The following PPP2R2B variants were observed in gnomAD, a reference collection of about 807,000 sequenced individuals.
The protein encoded by PPP2R2B is protein phosphatase 2 regulatory subunit Bbeta.
PPP2R2B carries 5 observed loss-of-function variants against 46.0 expected under a neutral mutation model. The ratio of observed to expected loss-of-function variants is 0.11; its 90% CI spans 0.06 to 0.23. The LOEUF (loss-of-function observed/expected upper bound fraction) is 0.23. Ranked by LOEUF, PPP2R2B falls within the 10% of genes least tolerant of loss-of-function variation. The pLI, the probability that PPP2R2B is intolerant of heterozygous loss-of-function variation, is 1.00. For synonymous variants in PPP2R2B, 215 were observed against 206.7 expected, an observed-to-expected ratio of 1.04 and a Z score of -0.34; for missense variants, 367 against 575.0, an observed-to-expected ratio of 0.64 and a Z score of 3.70.
intron 2 of PPP2R2B, among the ~76,000 whole-genome samples, chr5:147,077,293 CA>C (rs1757811028): frequency 1.4e-5 from 2 of 147,456 alleles, no homozygotes; most frequent in African/African-American, 2.5e-5. Context: ...CACACACACA[CA>C]CACACACACA....
chr5:147,005,538 A>G (rs1274914420), intron 1 of PPP2R2B, among the ~76,000 whole-genome samples: 4 of 152,152 alleles, frequency 2.6e-5, no homozygotes. Flanking sequence ...GAGTTATTGC[A>G]CTCCTTGCAA....
intron 5 of PPP2R2B, among the ~76,000 whole-genome samples, chr5:146,685,612 C>T (rs894797040): frequency 1.3e-5 from 2 of 152,184 alleles, no homozygotes; most frequent in African/African-American, 4.8e-5. Context: ...GGAGTCAGAG[C>T]TGGTAAAACT....
chr5:146,877,932 G>T, intron 2 of PPP2R2B, 70 bp downstream of exon 2: 1 of 1,539,244 alleles, frequency 6.5e-7, no homozygotes. Context: ...GCGCCCAGCT[G>T]CCCAGGAAGC....
rs146105782 is a variant in PPP2R2B, at chr5:146,601,007, T to C, written c.791-547A>G. 3.7e-4 allele frequency among the ~76,000 whole-genome samples: 56 copies of C among 152,322 alleles called. 1 individual carries two copies. In the East Asian group the frequency reaches 9.6e-3, roughly 26 times the overall value. ...ACACCATCTACTTTCTGATTCTCAT[T>C]CTGGAAATTTCACATAAATAGAATC... On this transcript the variant is annotated intron_variant, in intron 7 of 9. Coordinates refer to ENST00000394411, the MANE Select transcript of PPP2R2B (RefSeq NM_181675.4).
At chr5:146,837,185 T>C (rs1759339287) in intron 2 of PPP2R2B, among the ~76,000 whole-genome samples, 1 of 152,210 alleles carries the variant, frequency 6.6e-6, no homozygotes, top group Non-Finnish European at 1.5e-5. Context: ...ATCATTGTTT[T>C]TTCACTTTCA....
chr5:146,727,894 C>T (rs10036703), intron 2 of PPP2R2B, among the ~76,000 whole-genome samples: 3,173 of 152,062 alleles, frequency 0.021, 87 homozygotes, highest in African/African-American at 0.073. Context: ...AAACCAGCCC[C>T]GGGTAACCAC....
intron 2 of PPP2R2B, among the ~76,000 whole-genome samples, chr5:146,781,359 G>T (rs1755520218): frequency 6.6e-6 from 1 of 151,038 alleles, no homozygotes; most frequent in Non-Finnish European, 1.5e-5. Flanking sequence ...AGATGTGAAA[G>T]TGTGTATATT....
chr5:146,600,247 G>A (rs781119652), intron 8 of PPP2R2B, 44 bp downstream of exon 8: 4 of 1,585,860 alleles, frequency 2.5e-6, no homozygotes, highest in Non-Finnish European at 3.4e-6. Context: ...AAAAGCTCAT[G>A]AAGGGAATGT....
intron 2 of PPP2R2B, among the ~76,000 whole-genome samples, chr5:146,735,053 G>A (rs1381787947): frequency 2.0e-5 from 3 of 152,182 alleles, no homozygotes; most frequent in Non-Finnish European, 2.9e-5. Flanking sequence ...AGAGGGAAAG[G>A]AGAGGTGGAA....
At chr5:146,844,525 C>T (rs1044462591) in intron 2 of PPP2R2B, among the ~76,000 whole-genome samples, 18 of 152,178 alleles carry the variant, frequency 1.2e-4, no homozygotes, top group African/African-American at 3.9e-4. Context: ...GCATTCATTT[C>T]AAGAACAGCC....
At position 146,585,588 on chromosome 5, in the gene PPP2R2B, G is replaced by T; in HGVS notation, c.*4359C>A. On this transcript the variant is annotated 3_prime_UTR_variant, in exon 10 of 10. Coordinates refer to ENST00000394411, the MANE Select transcript of PPP2R2B (RefSeq NM_181675.4). ...TTAGAGTCAGATACCTTGAGTTGGAGTCCTGGTTCCATCTCTCTCGGGCTT... is the reference window on the plus strand; with the variant it reads ...TTAGAGTCAGATACCTTGAGTTGGATTCCTGGTTCCATCTCTCTCGGGCTT... 6.6e-6 allele frequency: 1 copy of T among 152,172 alleles called. No homozygotes were observed. The highest frequency in any genetic ancestry group is 6.5e-5 in the Admixed American group (1 of 15,282). 9.4% of individuals were successfully genotyped at this position (152,172 alleles called of 1,614,324 possible).
chr5:146,677,563 G>A (rs6864500), intron 5 of PPP2R2B, among the ~76,000 whole-genome samples: 34,446 of 124,768 alleles, frequency 0.28, 6,203 homozygotes, highest in African/African-American at 0.53. Context: ...GTCTGAGACA[G>A]GGTCTCACTC....
chr5:146,996,409 C>T (rs1695849064), intron 1 of PPP2R2B, among the ~76,000 whole-genome samples: 1 of 152,010 alleles, frequency 6.6e-6, no homozygotes, highest in Non-Finnish European at 1.5e-5. Context: ...CTATAGTTTG[C>T]ATGGAAGAAA....
intron 2 of PPP2R2B, among the ~76,000 whole-genome samples, chr5:147,076,925 T>A (rs997193141): frequency 1.3e-5 from 2 of 151,846 alleles, no homozygotes; most frequent in African/African-American, 2.4e-5. Flanking sequence ...TCATTTAAAG[T>A]CCTATAGAAT....
In PPP2R2B at chr5:146,739,222, G is replaced by A. The variant is rs536641023; in HGVS notation, c.71-38080C>T. ...TATGTAAAGACAGGGTCTCAACTAT[G>A]TTGCCCAAGCTGGTCTGGAACACTG... On this transcript the variant is annotated intron_variant, in intron 2 of 9. Coordinates refer to ENST00000394411, the MANE Select transcript of PPP2R2B (RefSeq NM_181675.4). Among the ~76,000 whole-genome samples, 11 of 152,284 alleles carry A rather than the reference G, an allele frequency of 7.2e-5. No homozygotes were observed. The East Asian group carries it at 2.1e-3, about 29-fold the overall frequency.
chr5:146,987,878 CAT>C (rs1753502091), intron 1 of PPP2R2B, among the ~76,000 whole-genome samples: 1 of 151,834 alleles, frequency 6.6e-6, no homozygotes, highest in Non-Finnish European at 1.5e-5. Flanking sequence ...ACAAGAAACT[CAT>C]GTCACTTATA....
chr5:147,074,574 C>T (rs1757703692), intron 2 of PPP2R2B, among the ~76,000 whole-genome samples: 1 of 152,124 alleles, frequency 6.6e-6, no homozygotes, highest in Admixed American at 6.6e-5. Flanking sequence ...TTTGAGACAA[C>T]CCAGTTGGTT....
chr5:146,754,621 G>T (rs1330025781), intron 2 of PPP2R2B, among the ~76,000 whole-genome samples: 1 of 152,138 alleles, frequency 6.6e-6, no homozygotes, highest in Non-Finnish European at 1.5e-5. Flanking sequence ...ATGACAAGGT[G>T]CCACTTCCAA....
At chr5:146,958,787 T>C (rs941861536) in intron 1 of PPP2R2B, among the ~76,000 whole-genome samples, 1 of 152,232 alleles carries the variant, frequency 6.6e-6, no homozygotes, top group Non-Finnish European at 1.5e-5. Context: ...AGCTATATCA[T>C]TACTATCTTC....
Sources: allele counts gnomAD v4.1 joint callset (sites outside exome capture counted in the v4.1 genomes callset), GRCh38; gene constraint gnomAD v4.1.1; transcripts MANE v1.5; gene names NCBI Gene and HGNC (gene_info 2026-07-23, HGNC 2026-07-21).